PCDH15: variants seen among roughly 807,000 people sequenced by gnomAD.
The protein encoded by PCDH15 is protocadherin related 15, also known as protocadherin-15.
In PCDH15, 129 loss-of-function variants were observed where a neutral mutation model predicts 178.5. The ratio of observed to expected loss-of-function variants is 0.72; its 90% CI spans 0.63 to 0.84. The LOEUF (loss-of-function observed/expected upper bound fraction) is 0.84, where lower values mean the gene tolerates loss of function less well. Ranked by LOEUF, PCDH15 falls within the 40% of genes least tolerant of loss-of-function variation. The pLI is 0.00. For missense variants in PCDH15, 2,230 were observed against 2,099.9 expected (o/e 1.06, Z -1.21); for synonymous variants, 800 against 732.0 (o/e 1.09, Z -1.50).
intron 3 of PCDH15, among the ~76,000 whole-genome samples, chr10:54,870,440 A>C (rs1048190420): frequency 2.0e-5 from 3 of 152,144 alleles, no homozygotes; most frequent in Non-Finnish European, 4.4e-5. Context: ...CTTATTTGAG[A>C]ATATAAACAC....
chr10:55,584,893 A>G (rs1250647134), intron 2 of PCDH15, among the ~76,000 whole-genome samples: 1 of 151,474 alleles, frequency 6.6e-6, no homozygotes, highest in Non-Finnish European at 1.5e-5. Flanking sequence ...AGATGAATAA[A>G]TCATAGGCAC....
At chr10:55,309,958 T>C (rs1222949337) in intron 1 of PCDH15, among the ~76,000 whole-genome samples, 1 of 152,088 alleles carries the variant, frequency 6.6e-6, no homozygotes, top group Non-Finnish European at 1.5e-5. Context: ...TCTACTTCCA[T>C]TTTTTTCCCT....
At chr10:55,547,595 A>G (rs796104726) in intron 2 of PCDH15, among the ~76,000 whole-genome samples, 1 of 151,256 alleles carries the variant, frequency 6.6e-6, no homozygotes, top group African/African-American at 2.4e-5. Context: ...AAAAACAAAC[A>G]AAAAAACATT....
intron 2 of PCDH15, among the ~76,000 whole-genome samples, chr10:55,077,677 G>A (rs1003170896): frequency 1.5e-4 from 23 of 152,112 alleles, no homozygotes; most frequent in African/African-American, 5.1e-4. Flanking sequence ...AGCCTCCCGA[G>A]TAGCTGGTAT....
At chr10:53,809,462 G>T (rs1462289946) in intron 37 of PCDH15, 1 of 1,613,934 alleles carries the variant, frequency 6.2e-7, no homozygotes, top group Non-Finnish European at 8.5e-7. Context: ...GCTGCTGGTG[G>T]TTTTTCGATA....
chr10:55,411,235 AAC>A (rs1364056493), intron 2 of PCDH15, among the ~76,000 whole-genome samples: 24 of 152,208 alleles, frequency 1.6e-4, no homozygotes, highest in African/African-American at 5.5e-4. Flanking sequence ...TCAGCTGTAA[AAC>A]TGTGCCCAGT....
upstream of PCDH15, among the ~76,000 whole-genome samples, chr10:54,805,158 T>G (rs895581155): frequency 6.6e-6 from 1 of 151,660 alleles, no homozygotes; most frequent in Non-Finnish European, 1.5e-5. Flanking sequence ...CAAATATATG[T>G]CTTTGAGAAA....
intron 2 of PCDH15, among the ~76,000 whole-genome samples, chr10:55,134,696 T>C (rs1838142172): frequency 6.6e-6 from 1 of 152,160 alleles, no homozygotes; most frequent in Non-Finnish European, 1.5e-5. Flanking sequence ...GATATCATAT[T>C]TACGTTTTGT....
chr10:55,036,268 A>G (rs1263812104), intron 2 of PCDH15, among the ~76,000 whole-genome samples: 3 of 152,212 alleles, frequency 2.0e-5, no homozygotes, highest in African/African-American at 4.8e-5. Context: ...ACATGAATCA[A>G]TAAATTTCTG....
At chr10:54,874,046 T>G (rs1428292808) in intron 3 of PCDH15, among the ~76,000 whole-genome samples, 3 of 118,144 alleles carry the variant, frequency 2.5e-5, no homozygotes, top group Non-Finnish European at 5.1e-5. Flanking sequence ...TATGTATACA[T>G]GTGCCATACT....
chr10:55,360,227 A>G (rs567226665), intron 2 of PCDH15, among the ~76,000 whole-genome samples: 45 of 152,144 alleles, frequency 3.0e-4, no homozygotes, highest in South Asian at 1.2e-3. Context: ...ATAAATATAT[A>G]TAATTTACAT....
chr10:54,526,624 G>T (rs1279838893), intron 3 of PCDH15, among the ~76,000 whole-genome samples: 1 of 152,004 alleles, frequency 6.6e-6, no homozygotes, highest in Non-Finnish European at 1.5e-5. Flanking sequence ...AACTCCATAT[G>T]ATTTTATTAT....
At chr10:54,664,586 CATT>C (rs1367708992) in intron 1 of PCDH15, among the ~76,000 whole-genome samples, 4 of 151,998 alleles carry the variant, frequency 2.6e-5, no homozygotes, top group Non-Finnish European at 5.9e-5. Context: ...AAATTTAAGA[CATT>C]ATGGGTAAGT....
chr10:54,841,283 C>T (rs1564558747), intron 3 of PCDH15, among the ~76,000 whole-genome samples: 1 of 151,470 alleles, frequency 6.6e-6, no homozygotes, highest in Non-Finnish European at 1.5e-5. Context: ...AATTCGCAAA[C>T]GTGGGAATTA....
intron 2 of PCDH15, among the ~76,000 whole-genome samples, chr10:55,474,528 T>A (rs1209840471): frequency 6.6e-6 from 1 of 152,216 alleles, no homozygotes; most frequent in Non-Finnish European, 1.5e-5. Flanking sequence ...TCTGTCTCCA[T>A]CTCTGACTTT....
At chr10:54,401,845 T>C (rs893853076) in intron 3 of PCDH15, among the ~76,000 whole-genome samples, 1 of 151,792 alleles carries the variant, frequency 6.6e-6, no homozygotes, top group African/African-American at 2.4e-5. Flanking sequence ...AGAACACATC[T>C]TAAACAAACT....
At chr10:54,934,274 G>A (rs1403079662) in intron 2 of PCDH15, among the ~76,000 whole-genome samples, 1 of 151,874 alleles carries the variant, frequency 6.6e-6, no homozygotes, top group Non-Finnish European at 1.5e-5. Context: ...AATTTTAAAA[G>A]GATTTTAAAA....
intron 3 of PCDH15, among the ~76,000 whole-genome samples, chr10:54,420,991 G>C (rs928227199): frequency 6.6e-6 from 1 of 151,952 alleles, no homozygotes; most frequent in Non-Finnish European, 1.5e-5. Context: ...CCCTCAACCT[G>C]GAATACCACG....
At chr10:53,929,767 T>C (rs1010108920) in intron 25 of PCDH15, among the ~76,000 whole-genome samples, 1 of 152,242 alleles carries the variant, frequency 6.6e-6, no homozygotes, top group African/African-American at 2.4e-5. Context: ...CTTAATTGTC[T>C]TGTAATTTAT....
Sources: allele counts gnomAD v4.1 joint callset (sites outside exome capture counted in the v4.1 genomes callset), GRCh38; gene constraint gnomAD v4.1.1; transcripts MANE v1.5; gene names NCBI Gene and HGNC (gene_info 2026-07-23, HGNC 2026-07-21).